Variants in KALRN observed in about 807,000 individuals in gnomAD.
The protein encoded by KALRN is kalirin.
A neutral mutation model predicts 353.7 loss-of-function variants in KALRN; 70 were observed. The observed-to-expected ratio is 0.20, with a 90% CI of 0.16 to 0.24. KALRN has a LOEUF of 0.24. KALRN is among the 10% of genes least tolerant of loss of function. KALRN has a pLI of 1.00. For missense variants in KALRN, 2,791 were observed against 3,756.7 expected, an observed-to-expected ratio of 0.74 and a Z score of 6.72; for synonymous variants, 1,391 against 1,434.8, an observed-to-expected ratio of 0.97 and a Z score of 0.69.
rs566109613 is a variant in KALRN, at chr3:124,194,104, CAG to C, written c.74-33882_74-33881del. 2.0e-3 allele frequency among the ~76,000 whole-genome samples: 297 copies of C among 152,270 alleles called. 1 individual carries two copies. Among genetic ancestry groups the C allele is most frequent in the Non-Finnish European group, 3.1e-3 (209 of 68,010 alleles). ...ACTGAGGGAAGAAACCATCTGGGGACAGAGACTGGTTAGGAAGCCAAGAGAAC... is the reference window on the plus strand; with the variant it reads ...ACTGAGGGAAGAAACCATCTGGGGACAGACTGGTTAGGAAGCCAAGAGAAC... On this transcript the variant is annotated intron_variant, in intron 1 of 59. Transcript: ENST00000682506.
intron 16 of KALRN, 58 bp from the exon 17 acceptor site, chr3:124,434,249 C>G: frequency 7.2e-7 from 1 of 1,392,854 alleles, no homozygotes; most frequent in Non-Finnish European, 1.0e-6. Context: ...ACTCCACCCC[C>G]TCCCATACCA....
intron 1 of KALRN, among the ~76,000 whole-genome samples, chr3:124,146,432 A>G (rs2067332665): frequency 6.6e-6 from 1 of 152,204 alleles, no homozygotes; most frequent in African/African-American, 2.4e-5. Flanking sequence ...CTAGTCTATA[A>G]CAGATTAGAA....
chr3:124,445,224 G>C (rs1263883659), intron 19 of KALRN, among the ~76,000 whole-genome samples: 3 of 152,046 alleles, frequency 2.0e-5, no homozygotes, highest in African/African-American at 7.3e-5. Context: ...TGCATTATGG[G>C]GTATTATAAA....
intron 33 of KALRN, among the ~76,000 whole-genome samples, chr3:124,544,760 A>G (rs978014865): frequency 2.0e-5 from 3 of 152,192 alleles, no homozygotes; most frequent in Non-Finnish European, 1.5e-5. Context: ...CTGTATCCCC[A>G]GGGCCTAAAG....
At chr3:124,563,394 C>T (rs991317300) in intron 34 of KALRN, among the ~76,000 whole-genome samples, 2 of 152,180 alleles carry the variant, frequency 1.3e-5, no homozygotes, top group East Asian at 3.9e-4. Flanking sequence ...ACACTACATT[C>T]GGGAAAGTCC....
chr3:124,288,974 A>C (rs960176685), intron 5 of KALRN, among the ~76,000 whole-genome samples: 1 of 152,230 alleles, frequency 6.6e-6, no homozygotes, highest in East Asian at 1.9e-4. Context: ...GTTGCTATAA[A>C]ATAATGCCTG....
intron 1 of KALRN, among the ~76,000 whole-genome samples, chr3:124,087,661 T>C (rs1208302932): frequency 1.3e-5 from 2 of 152,212 alleles, no homozygotes; most frequent in East Asian, 3.9e-4. Flanking sequence ...CTGCTCCATG[T>C]GGTGTCTTTT....
intron 33 of KALRN, among the ~76,000 whole-genome samples, chr3:124,561,726 T>G (rs2072035741): frequency 6.6e-6 from 1 of 152,206 alleles, no homozygotes; most frequent in Admixed American, 6.5e-5. Context: ...GCAAGGACTT[T>G]GCCTCCAAAC....
At position 124,326,003 on chromosome 3, in the gene KALRN, C is replaced by T. The variant is rs925664265; in HGVS notation, c.1116C>T (p.Arg372=). 3.7e-6 allele frequency: 6 copies of T among 1,613,194 alleles called. No homozygotes were observed. In the African/African-American group the frequency reaches 8.0e-5, roughly 22 times the overall value. ...AGAATGCCTATGTCAACATCAACCG[C>T]ATCATGTCCGTGGCTTCCCGCCTCT... ...NSMNAYVNIN[R]IMSVASRLSE... is the part of the protein sequence containing the mutation. The change falls in exon 7 of 60, where the codon CGC becomes CGT. Residue 372 remains arginine, a synonymous_variant. Transcript: ENST00000682506.
At chr3:124,165,540 C>T (rs1471866285) in intron 1 of KALRN, among the ~76,000 whole-genome samples, 2 of 152,174 alleles carry the variant, frequency 1.3e-5, no homozygotes, top group Non-Finnish European at 1.5e-5. Flanking sequence ...TCCAACATGT[C>T]GTCATGTTTC....
At chr3:124,687,405 C>T (rs910187770) in intron 51 of KALRN, among the ~76,000 whole-genome samples, 4 of 152,150 alleles carry the variant, frequency 2.6e-5, no homozygotes, top group African/African-American at 9.7e-5. Flanking sequence ...TACACAGCAA[C>T]GCACCCCCAT....
In KALRN at chr3:124,622,966, T is replaced by G. The variant is rs114002405; in HGVS notation, c.5183-9454T>G. On this transcript the variant is annotated intron_variant, in intron 34 of 59. Coordinates refer to ENST00000682506, the MANE Select transcript of KALRN (RefSeq NM_001388419.1). ...GTGTAACATTGAAGTAAGTATGAGT[T>G]GAAACTTTAGAAACAAGAAATTAAA... Among the ~76,000 whole-genome samples, 962 of 152,274 alleles carry G rather than the reference T, an allele frequency of 6.3e-3. 13 individuals carry two copies. Among genetic ancestry groups the G allele is most frequent in the African/African-American group, 0.022 (911 of 41,548 alleles).
intron 34 of KALRN, among the ~76,000 whole-genome samples, chr3:124,579,121 T>C (rs1352604721): frequency 6.6e-6 from 1 of 152,216 alleles, no homozygotes; most frequent in African/African-American, 2.4e-5. Flanking sequence ...ATGGCATATG[T>C]CTGTTAGTGT....
intron 6 of KALRN, among the ~76,000 whole-genome samples, chr3:124,311,517 A>C (rs1188079482): frequency 1.3e-5 from 2 of 152,112 alleles, no homozygotes; most frequent in African/African-American, 4.8e-5. Context: ...GGATATGGAG[A>C]AGTCAGAATG....
intron 9 of KALRN, among the ~76,000 whole-genome samples, chr3:124,337,397 A>G (rs183812511): frequency 3.3e-5 from 5 of 152,252 alleles, no homozygotes; most frequent in African/African-American, 1.2e-4. Context: ...CTCTATTGAG[A>G]TATCATGTGG....
chr3:124,699,900 G>T lies in KALRN; in HGVS notation c.7863G>T (p.Ser2621=). ...GSQIWQQSVA[S]TLDTYLVIED... Reference sequence around the variant, plus strand: ...AGATCTGGCAGCAGTCAGTGGCTTCGACCTTGGACACTTACCTCGTCATCG... The same window carrying T: ...AGATCTGGCAGCAGTCAGTGGCTTCTACCTTGGACACTTACCTCGTCATCG... Residue 2621 remains serine (S), a synonymous_variant, in exon 56 of 60, where the codon TCG becomes TCT. Coordinates refer to ENST00000682506, the MANE Select transcript of KALRN (RefSeq NM_001388419.1). The T allele has an allele frequency of 6.2e-7, 1 of 1,614,162 alleles. No homozygotes were observed. The highest frequency in any genetic ancestry group is 1.1e-5 in the South Asian group (1 of 91,076).
At chr3:124,603,755 G>T (rs1366976435) in intron 34 of KALRN, among the ~76,000 whole-genome samples, 2 of 152,136 alleles carry the variant, frequency 1.3e-5, no homozygotes, top group African/African-American at 4.8e-5. Flanking sequence ...AGTCTATTGG[G>T]TTCCTTTGCC....
At chr3:124,674,006 C>A (rs1001072015) in intron 48 of KALRN, among the ~76,000 whole-genome samples, 2 of 152,188 alleles carry the variant, frequency 1.3e-5, no homozygotes, top group Admixed American at 6.5e-5. Flanking sequence ...TGACCTCATT[C>A]TGCCCAGGTG....
chr3:124,629,887 T>C (rs2080567140), intron 34 of KALRN, among the ~76,000 whole-genome samples: 1 of 152,014 alleles, frequency 6.6e-6, no homozygotes, highest in African/African-American at 2.4e-5. Flanking sequence ...TCTGCGAAAA[T>C]AAAAATCTGT....
Sources: gnomAD v4.1 joint callset for allele counts (sites outside exome capture counted in the v4.1 genomes callset) on GRCh38, gnomAD v4.1.1 for gene constraint, MANE v1.5 for transcripts, NCBI Gene and HGNC (gene_info 2026-07-23, HGNC 2026-07-21) for gene names.